Variants in EPN2 observed in about 807,000 individuals in gnomAD.
EPN2 encodes the protein epsin 2, also known as epsin-2.
EPN2 carries 34 observed loss-of-function variants against 61.7 expected under a neutral mutation model. The ratio of observed to expected loss-of-function variants is 0.55; its 90% confidence interval spans 0.42 to 0.73. The LOEUF (loss-of-function observed/expected upper bound fraction) is 0.73. Among genes scored for constraint, EPN2 ranks in the 30% least tolerant of loss-of-function variants. The probability of loss-of-function intolerance (pLI) is 0.00; values close to 1 mark genes in which losing one functional copy is unlikely to be tolerated. For missense variants in EPN2, 714 were observed against 839.2 expected (o/e 0.85, Z 1.84); for synonymous variants, 349 against 353.6 (o/e 0.99, Z 0.15).
In EPN2 at chr17:19,331,851, A is replaced by G; in HGVS notation, c.1412-2A>G. ...CCTGCCATATGTGTCCTTGTCTTGTAGCCGAATCTGTGACCTCTCTGCCAT... is the reference window on the plus strand; with the variant it reads ...CCTGCCATATGTGTCCTTGTCTTGTGGCCGAATCTGTGACCTCTCTGCCAT... On this transcript the variant is annotated splice_acceptor_variant, in intron 9 of 10. Transcript: ENST00000314728. LOFTEE classifies it high-confidence loss of function. 1 of 1,613,668 alleles carries G rather than the reference A, an allele frequency of 6.2e-7. No homozygotes were observed. Among genetic ancestry groups the G allele is most frequent in the Non-Finnish European group, 8.5e-7 (1 of 1,179,582 alleles).
At chr17:19,260,248 T>A (rs2152207574) in intron 1 of EPN2, among the ~76,000 whole-genome samples, 1 of 152,328 alleles carries the variant, frequency 6.6e-6, no homozygotes, top group South Asian at 2.1e-4. Flanking sequence ...TGTGCTGGAT[T>A]TGTGCACGAT....
chr17:19,296,600 A>ATTTATT (rs1450297883), intron 4 of EPN2: 1 of 151,970 alleles, frequency 6.6e-6, no homozygotes, highest in Non-Finnish European at 1.5e-5. Context: ...ATGTTGGTGT[A>ATTTATT]TTTATTTTTA....
rs560379003 is a variant in EPN2 at position 19,305,195 on chromosome 17, C to T, written c.767-4690C>T. Among the ~76,000 whole-genome samples, 6 of 150,020 alleles carry T rather than the reference C, an allele frequency of 4.0e-5. No homozygotes were observed. The South Asian group carries it at 1.3e-3, about 32-fold the overall frequency. On this transcript the variant is annotated intron_variant, in intron 4 of 10. Coordinates refer to ENST00000314728, the MANE Select transcript of EPN2 (RefSeq NM_014964.5). Reference sequence around the variant, plus strand: ...GGAGTGCAGTGGTATGATCTTGGCTCGCTGCAACCTCCACCTGCTTAGTTC... The same window carrying T: ...GGAGTGCAGTGGTATGATCTTGGCTTGCTGCAACCTCCACCTGCTTAGTTC...
At chr17:19,300,087 A>T (rs1200012587) in intron 4 of EPN2, among the ~76,000 whole-genome samples, 1 of 152,198 alleles carries the variant, frequency 6.6e-6, no homozygotes, top group Non-Finnish European at 1.5e-5. Context: ...CCTAGGTGCC[A>T]CCTAGCTGCC....
At chr17:19,298,536 A>C in intron 4 of EPN2, among the ~76,000 whole-genome samples, 1 of 152,084 alleles carries the variant, frequency 6.6e-6, no homozygotes, top group South Asian at 2.1e-4. Flanking sequence ...GGGTCTCGCT[A>C]TATCACTCAG....
At chr17:19,237,902 C>G (rs1046148627) in intron 1 of EPN2, among the ~76,000 whole-genome samples, 1 of 152,246 alleles carries the variant, frequency 6.6e-6, no homozygotes, top group African/African-American at 2.4e-5. Flanking sequence ...AACCCCGCCC[C>G]CTCCCCAGAG....
At chr17:19,302,994 CAG>C (rs1905607875) in intron 4 of EPN2, among the ~76,000 whole-genome samples, 1 of 152,216 alleles carries the variant, frequency 6.6e-6, no homozygotes, top group African/African-American at 2.4e-5. Context: ...GGGCGAGTGT[CAG>C]AGACGGAAGC....
At chr17:19,258,868 G>T (rs1432082055) in intron 1 of EPN2, among the ~76,000 whole-genome samples, 1 of 152,226 alleles carries the variant, frequency 6.6e-6, no homozygotes, top group Non-Finnish European at 1.5e-5. Flanking sequence ...AGCCACAGGG[G>T]TGAGACCGCT....
At chr17:19,298,959 G>C (rs1905335403) in intron 4 of EPN2, among the ~76,000 whole-genome samples, 1 of 152,060 alleles carries the variant, frequency 6.6e-6, no homozygotes, top group Admixed American at 6.6e-5. Context: ...TTTTTTTAAG[G>C]ATTCTTTGGA....
rs1374417961 is a variant in EPN2 at position 19,329,608 on chromosome 17, T to G, written c.1372T>G (p.Phe458Val). 1 of 1,613,586 alleles carries G rather than the reference T, an allele frequency of 6.2e-7. No homozygotes were observed. Among genetic ancestry groups the G allele is most frequent in the Admixed American group, 1.7e-5 (1 of 60,018 alleles). Residue 458 changes from phenylalanine to valine, a missense_variant, in exon 9 of 11, where the codon TTT (phenylalanine) becomes GTT (valine). By Grantham distance (50) the Phe-to-Val change is conservative. Around this residue, in one of 2 missense-constraint regions of EPN2, gnomAD observed 410 missense variants for 421.8 expected, o/e 0.97. Coordinates refer to ENST00000314728, the MANE Select transcript of EPN2 (RefSeq NM_014964.5). ...SNLNGTIKDD[F>V]SEFDNLRTSK... ...TCTGAATGGTACAATTAAAGATGACTTTTCTGAATTTGACAACCTTCGGAC... is the reference window on the plus strand; with the variant it reads ...TCTGAATGGTACAATTAAAGATGACGTTTCTGAATTTGACAACCTTCGGAC...
Position 19,285,076 on chromosome 17 carries a change from C to G in EPN2, c.596-544C>G, listed in dbSNP as rs2045391745. ...TTTATTTCTCTCAAGGATCCTCTTA[C>G]CAACCCCCAGAGAGGCTCTCTTTGG... On this transcript the variant is annotated intron_variant, in intron 3 of 10. Coordinates refer to ENST00000314728, the MANE Select transcript of EPN2 (RefSeq NM_014964.5). The surrounding 1 kb of genome is among the most constrained non-coding windows in gnomAD (Gnocchi z 4.5). 6.6e-6 allele frequency among the ~76,000 whole-genome samples: 1 copy of G among 152,232 alleles called. No individual in the cohort carries two copies. The highest frequency in any genetic ancestry group is 2.4e-5 in the African/African-American group (1 of 41,452).
rs117813129 is a variant in EPN2 at position 19,290,904 on chromosome 17, G to T, written c.766+5114G>T. ...TCATGGCCCCTCCTGTCTTGCTGAC[G>T]CCGCTGGCCCTGGCTGTAGTATGCT... On this transcript the variant is annotated intron_variant, in intron 4 of 10. Transcript: ENST00000314728. 9.4e-3 allele frequency among the ~76,000 whole-genome samples: 1,424 copies of T among 152,150 alleles called. 8 individuals carry two copies. The highest frequency in any genetic ancestry group is 0.024 in the Middle Eastern group (7 of 294).
At chr17:19,289,724 G>GTTTTGTTTTTTTTTTTT (rs772230550) in intron 4 of EPN2, among the ~76,000 whole-genome samples, 12 of 78,044 alleles carry the variant, frequency 1.5e-4, no homozygotes, top group East Asian at 5.8e-4. Context: ...GGCGCTCATG[G>GTTTTGTTTTTTTTTTTT]TTTTTTTTTT....
chr17:19,306,623 T>A (rs1905856690), intron 4 of EPN2, among the ~76,000 whole-genome samples: 1 of 152,232 alleles, frequency 6.6e-6, no homozygotes, highest in Non-Finnish European at 1.5e-5. Context: ...CTTGCAGATG[T>A]GCTAGAAAGC....
chr17:19,279,628 C>G (rs1176773804), intron 1 of EPN2, among the ~76,000 whole-genome samples: 1 of 151,592 alleles, frequency 6.6e-6, no homozygotes, highest in Non-Finnish European at 1.5e-5. Flanking sequence ...TTAGTAGAGA[C>G]GGGGTTTCAC....
intron 1 of EPN2, among the ~76,000 whole-genome samples, chr17:19,273,850 G>T (rs2045280044): frequency 1.3e-5 from 2 of 152,168 alleles, no homozygotes; most frequent in Non-Finnish European, 2.9e-5. Flanking sequence ...GTTATTGCTA[G>T]CGTGGCTGAA....
intron 1 of EPN2, among the ~76,000 whole-genome samples, chr17:19,246,709 C>T (rs985158056): frequency 4.2e-5 from 6 of 144,310 alleles, no homozygotes; most frequent in Non-Finnish European, 7.5e-5. Flanking sequence ...AATAAAGGGA[C>T]GCAGTTGTTT....
At chr17:19,261,581 T>A (rs1052463530) in intron 1 of EPN2, among the ~76,000 whole-genome samples, 1 of 152,214 alleles carries the variant, frequency 6.6e-6, no homozygotes, top group African/African-American at 2.4e-5. Context: ...CATCTCCTTA[T>A]GTTTGAAGAT....
At chr17:19,302,307 A>G (rs951206192) in intron 4 of EPN2, among the ~76,000 whole-genome samples, 1 of 152,220 alleles carries the variant, frequency 6.6e-6, no homozygotes, top group Non-Finnish European at 1.5e-5. Context: ...CATTCTGCAG[A>G]TGAGAAAACA....
Sources: allele counts gnomAD v4.1 joint callset (sites outside exome capture counted in the v4.1 genomes callset), GRCh38; gene constraint gnomAD v4.1.1; regional missense constraint gnomAD v4.1.1; non-coding constraint Gnocchi (gnomAD v3.1); transcripts MANE v1.5; gene names NCBI Gene and HGNC (gene_info 2026-07-23, HGNC 2026-07-21).